SET: variants seen among roughly 807,000 people sequenced by gnomAD.
SET encodes SET nuclear proto-oncogene, also known as protein SET.
In SET, 4 loss-of-function variants were observed where a neutral mutation model predicts 39.0. The observed-to-expected ratio is 0.10, with a 90% confidence interval of 0.05 to 0.23. The LOEUF is 0.23. Among genes scored for constraint, SET ranks in the 10% least tolerant of loss-of-function variants. The pLI is 1.00. For synonymous variants in SET, 114 were observed against 115.9 expected (o/e 0.98, Z 0.11); for missense variants, 137 against 329.7 (o/e 0.42, Z 4.53).
In SET at chr9:128,692,882, T is replaced by C. The variant is rs146235252; in HGVS notation, c.393T>C (p.Asn131=). The C allele has an allele frequency of 1.0e-5, 16 of 1,588,338 alleles. No homozygotes were observed. Residue 131 remains asparagine (N), a synonymous_variant, in exon 5 of 8, where the codon AAT becomes AAC. Transcript: ENST00000322030. The part of the protein sequence containing the change: ...GYRIDFYFDE[N]PYFENKVLSK... The stretch of plus-strand genomic sequence containing the variant: ...ATTTATTACAGTATTTTGATGAAAA[T>C]CCTTACTTTGAAAATAAAGTTCTCT...
chr9:128,691,344 G>C (rs1023031673), intron 2 of SET, 117 bp downstream of exon 2: 1 of 706,014 alleles, frequency 1.4e-6, no homozygotes, highest in Admixed American at 2.9e-5. Flanking sequence ...ATTCTAACTT[G>C]GTTGGAAATA....
chr9:128,683,990 G>C (rs1861202446), exon 1 of SET: 3 of 1,554,082 alleles, frequency 1.9e-6, no homozygotes, highest in African/African-American at 1.4e-5. Context: ...GCCTCTGCAG[G>C]CTTGCCGAAG....
chr9:128,690,428 G>C (rs1017101933), intron 1 of SET: 4 of 152,472 alleles, frequency 2.6e-5, no homozygotes, highest in Non-Finnish European at 5.9e-5. Flanking sequence ...CACCCACTTA[G>C]CTTTGTAGGG....
upstream of SET, among the ~76,000 whole-genome samples, chr9:128,686,464 C>T (rs1325695692): frequency 6.6e-6 from 1 of 152,008 alleles, no homozygotes; most frequent in Non-Finnish European, 1.5e-5. Context: ...CAGGAGTGAC[C>T]CTATGGGTCA....
At chr9:128,685,005 T>C, upstream of SET, 3 of 1,448,808 alleles carry the variant, frequency 2.1e-6, no homozygotes, top group South Asian at 4.4e-5. Flanking sequence ...GGAGCCTTCC[T>C]GGGCTGGGTG....
intron 5 of SET, among the ~76,000 whole-genome samples, chr9:128,693,291 T>G (rs184354021): frequency 4.1e-3 from 627 of 152,256 alleles, no homozygotes; most frequent in Non-Finnish European, 6.9e-3. Flanking sequence ...ACTAAATTTT[T>G]TGTTGCTGTT....
chr9:128,691,213 A>G lies in SET; in HGVS notation c.117A>G (p.Gln39=). The G allele has an allele frequency of 6.2e-7, 1 of 1,602,102 alleles. No individual in the cohort carries two copies. The highest frequency in any genetic ancestry group is 8.5e-7 in the Non-Finnish European group (1 of 1,175,116). Residue 39 remains glutamine, a synonymous_variant, in exon 2 of 8, where the codon CAA becomes CAG. Coordinates refer to ENST00000322030, the MANE Select transcript of SET (RefSeq NM_003011.4). ...CGATTGAACACATTGATGAAGTACA[A>G]AATGAAATAGACAGGTAACATTTTT... ...QEAIEHIDEV[Q]NEIDRLNEQA... is the part of the protein sequence containing the mutation.
upstream of SET, among the ~76,000 whole-genome samples, chr9:128,684,428 C>G (rs1010598169): frequency 2.3e-4 from 35 of 152,244 alleles, no homozygotes; most frequent in African/African-American, 8.2e-4. Flanking sequence ...CGGCCCACAA[C>G]TCTGGCCTGA....
At position 128,689,551 on chromosome 9, in the gene SET, C is replaced by T. The variant is rs1393178982; in HGVS notation, c.-32C>T. The T allele has an allele frequency of 7.9e-7, 1 of 1,258,088 alleles. No individual in the cohort carries two copies. Among genetic ancestry groups the T allele is most frequent in the Non-Finnish European group, 1.0e-6 (1 of 956,438 alleles). 77.9% of individuals were successfully genotyped at this position (1,258,088 alleles called of 1,614,324 possible). ...CCTTCGCCTTCCCTTCTCTCCCCCT[C>T]CCCGCTCCCCCCCCGACCGCGGAGC... On this transcript the variant is annotated 5_prime_UTR_variant, in exon 1 of 8. Coordinates refer to ENST00000322030, the MANE Select transcript of SET (RefSeq NM_003011.4).
upstream of SET, chr9:128,685,226 A>G: frequency 6.3e-7 from 1 of 1,593,038 alleles, no homozygotes. Flanking sequence ...GAGCCACATA[A>G]AACAACTTGT....
At chr9:128,694,615 G>T (rs1365177199) in intron 7 of SET, 26 bp from the exon 8 acceptor site, 20 of 1,552,132 alleles carry the variant, frequency 1.3e-5, no homozygotes, top group Middle Eastern at 1.7e-4. Context: ...TAATCCTGAA[G>T]ATTAACTGCC....
rs1861601992 is a variant in SET at position 128,692,997 on chromosome 9, T to C, written c.492+16T>C. Reference sequence around the variant, plus strand: ...ATCTGGAAAGGTATGTTTTGAGGAATTATTTGACAAAAATAGCATTTTGCC... The same window carrying C: ...ATCTGGAAAGGTATGTTTTGAGGAACTATTTGACAAAAATAGCATTTTGCC... On this transcript the variant is annotated intron_variant, in intron 5 of 7. Coordinates refer to ENST00000322030, the MANE Select transcript of SET (RefSeq NM_003011.4). The C allele has an allele frequency of 6.6e-7, 1 of 1,504,614 alleles. No homozygotes were observed. Among genetic ancestry groups the C allele is most frequent in the East Asian group, 2.3e-5 (1 of 44,250 alleles). 93.2% of individuals were successfully genotyped at this position (1,504,614 alleles called of 1,614,324 possible).
Position 128,695,935 on chromosome 9 carries a change from A to G in SET, c.*1271A>G, listed in dbSNP as rs1861721881. 1 of 226,754 alleles carries G rather than the reference A, an allele frequency of 4.4e-6. No homozygotes were observed. The highest frequency in any genetic ancestry group is 5.7e-5 in the Admixed American group (1 of 17,632). The allele number at this position is 226,754 out of a possible 1,614,324, so 14.0% of individuals were successfully genotyped here. A position where few individuals can be genotyped will look rare whatever the true frequency, so the allele number is the denominator to read the frequency against. On this transcript the variant is annotated 3_prime_UTR_variant, in exon 8 of 8. Coordinates refer to ENST00000322030, the MANE Select transcript of SET (RefSeq NM_003011.4). ...TCTAATGCCAAGTTATACACGGGAC[A>G]GTTGCTGGCATGTCTTCATTGGCTA...
rs142247747 is a variant in SET, at chr9:128,691,137, CTTAGAA to C, written c.74-29_74-24del. 1,024 of 1,547,960 alleles carry C rather than the reference CTTAGAA, an allele frequency of 6.6e-4. 8 individuals are homozygous for C. The African/African-American group carries it at 0.013, about 19-fold the overall frequency. On this transcript the variant is annotated intron_variant, in intron 1 of 7. Coordinates refer to ENST00000322030, the MANE Select transcript of SET (RefSeq NM_003011.4). ...CATCTGGAAAACTAGGTAAATTTAT[CTTAGAA>C]TTAAGTTTTTTGCTCCTTTTTTGCA...
In SET at chr9:128,691,363, G is replaced by C. The variant is rs1189713685; in HGVS notation, c.131+136G>C. 9.3e-6 allele frequency: 6 copies of C among 644,424 alleles called. No individual in the cohort carries two copies. The East Asian group carries it at 1.4e-4, about 15-fold the overall frequency. 39.9% of individuals were successfully genotyped at this position (644,424 alleles called of 1,614,324 possible). A position where few individuals can be genotyped will look rare whatever the true frequency, so the allele number is the denominator to read the frequency against. On this transcript the variant is annotated intron_variant, in intron 2 of 7. Transcript: ENST00000322030. ...TAACTTGGTTGGAAATACTTATGTA[G>C]ATTCAGTGTTTTTTGGTGAAGTGAT...
exon 1 of SET, chr9:128,683,851 CG>C: frequency 6.7e-7 from 1 of 1,485,550 alleles, no homozygotes; most frequent in Non-Finnish European, 9.1e-7. Context: ...TGCTTCCGGA[CG>C]GGCGAGGAGA....
upstream of SET, among the ~76,000 whole-genome samples, chr9:128,684,296 G>C (rs894582616): frequency 2.9e-4 from 44 of 152,044 alleles, no homozygotes; most frequent in African/African-American, 1.1e-3. Flanking sequence ...AAGGGGCACT[G>C]CCAGCCAGCC....
In SET at chr9:128,693,715, T is replaced by C. The variant is rs750786150; in HGVS notation, c.570T>C (p.Phe190=). The C allele has an allele frequency of 6.2e-7, 1 of 1,613,712 alleles. No homozygotes were observed. Among genetic ancestry groups the C allele is most frequent in the East Asian group, 2.2e-5 (1 of 44,892 alleles). The change falls in exon 6 of 8, where the codon TTT becomes TTC. Residue 190 remains phenylalanine (F), a synonymous_variant. Transcript: ENST00000322030. Reference sequence around the variant, plus strand: ...AGCATGAGGAACCAGAGAGCTTCTTTACCTGGTTTACTGACCATTCTGATG... The same window carrying C: ...AGCATGAGGAACCAGAGAGCTTCTTCACCTGGTTTACTGACCATTCTGATG... ...KRQHEEPESF[F]TWFTDHSDAG... is the part of the protein sequence containing the mutation.
upstream of SET, among the ~76,000 whole-genome samples, chr9:128,688,984 C>T (rs1182447545): frequency 2.0e-5 from 3 of 151,640 alleles, no homozygotes; most frequent in East Asian, 5.8e-4. Context: ...ACCGGCCTGC[C>T]GCGCGCCAGT....
Sources: gnomAD v4.1 joint callset for allele counts (sites outside exome capture counted in the v4.1 genomes callset) on GRCh38, gnomAD v4.1.1 for gene constraint, MANE v1.5 for transcripts, NCBI Gene and HGNC (gene_info 2026-07-23, HGNC 2026-07-21) for gene names.